Variants in EPS15 observed in about 807,000 individuals in gnomAD.
EPS15 encodes epidermal growth factor receptor pathway substrate 15.
In EPS15, 72 loss-of-function variants were observed where a neutral mutation model predicts 113.8. The ratio of observed to expected loss-of-function variants is 0.63; its 90% confidence interval spans 0.52 to 0.77. EPS15 has a LOEUF of 0.77. Among genes scored for constraint, EPS15 ranks in the 30% least tolerant of loss-of-function variants. The pLI, the probability that EPS15 is intolerant of heterozygous loss-of-function variation, is 0.00. For missense variants in EPS15, 1,048 were observed against 1,045.8 expected, an observed-to-expected ratio of 1.00 and a Z score of -0.03; for synonymous variants, 344 against 363.4, an observed-to-expected ratio of 0.95 and a Z score of 0.61.
chr1:51,422,147 G>A, intron 12 of EPS15: 1 of 734,888 alleles, frequency 1.4e-6, no homozygotes, highest in Non-Finnish European at 1.8e-6. Flanking sequence ...TTTCACTGAT[G>A]TCACTGTTGC....
chr1:51,511,399 G>C (rs1644617847), intron 1 of EPS15, among the ~76,000 whole-genome samples: 1 of 151,714 alleles, frequency 6.6e-6, no homozygotes. Context: ...GGGAGGCTGA[G>C]GCACGAGAAT....
chr1:51,495,918 T>C (rs1356611024), intron 1 of EPS15, among the ~76,000 whole-genome samples: 5 of 152,170 alleles, frequency 3.3e-5, no homozygotes, highest in Non-Finnish European at 7.4e-5. Flanking sequence ...GAGAAAAATA[T>C]AAGCTCTGCA....
intron 13 of EPS15, among the ~76,000 whole-genome samples, chr1:51,417,928 A>G (rs1002971180): frequency 5.3e-5 from 8 of 152,184 alleles, no homozygotes; most frequent in African/African-American, 1.9e-4. Flanking sequence ...GGTGGCAGTG[A>G]GCAACAGTAA....
rs371703875 is a variant in EPS15, at chr1:51,394,460, T to C, written c.2053-13A>G. 260 of 1,576,118 alleles carry C rather than the reference T, an allele frequency of 1.6e-4. No homozygotes were observed. The highest frequency in any genetic ancestry group is 2.2e-4 in the Non-Finnish European group (256 of 1,154,534). On this transcript the variant is annotated splice_polypyrimidine_tract_variant and intron_variant, in intron 20 of 24. Coordinates refer to ENST00000371733, the MANE Select transcript of EPS15 (RefSeq NM_001981.3). The stretch of plus-strand genomic sequence containing the variant: ...TCAACGTTTCTACCTAAACAAAGCA[T>C]ACAAAACCATGAATGAGAGAGGCAA...
At chr1:51,372,886 C>A in intron 21 of EPS15, 1 of 789,124 alleles carries the variant, frequency 1.3e-6, no homozygotes, top group South Asian at 1.6e-5. Context: ...ATATCAGGAG[C>A]TACCTGGAAA....
At chr1:51,443,248 A>G (rs896935284) in intron 11 of EPS15, among the ~76,000 whole-genome samples, 1 of 152,098 alleles carries the variant, frequency 6.6e-6, no homozygotes, top group Non-Finnish European at 1.5e-5. Context: ...AATTTCTGTC[A>G]TATCTAAAAT....
chr1:51,491,859 A>ATTTT (rs1007233147), intron 1 of EPS15, among the ~76,000 whole-genome samples: 71 of 129,804 alleles, frequency 5.5e-4, no homozygotes, highest in African/African-American at 2.1e-3. Context: ...AACTCATTTA[A>ATTTT]TTTTTTTTTT....
intron 8 of EPS15, among the ~76,000 whole-genome samples, chr1:51,457,353 A>G (rs1011922320): frequency 2.0e-5 from 3 of 151,994 alleles, no homozygotes; most frequent in East Asian, 1.9e-4. Context: ...AAAATAATCT[A>G]AAGGACTCAT....
At chr1:51,463,965 GA>G (rs1654662960) in intron 6 of EPS15, among the ~76,000 whole-genome samples, 167 bp from the exon 7 acceptor site, 2 of 152,052 alleles carry the variant, frequency 1.3e-5, no homozygotes, top group South Asian at 4.1e-4. Flanking sequence ...AGATACGCAA[GA>G]AAAAAATACA....
At chr1:51,416,760 C>A (rs1187726531) in intron 13 of EPS15, among the ~76,000 whole-genome samples, 3 of 151,640 alleles carry the variant, frequency 2.0e-5, no homozygotes, top group Non-Finnish European at 4.4e-5. Context: ...AAAGTTAAAC[C>A]TTTTAACTCT....
intron 7 of EPS15, chr1:51,461,732 A>C (rs1406537677): frequency 6.6e-6 from 1 of 152,216 alleles, no homozygotes; most frequent in Non-Finnish European, 1.5e-5. Flanking sequence ...AGAAATAATT[A>C]GTGGGAAACA....
intron 21 of EPS15, among the ~76,000 whole-genome samples, chr1:51,384,752 T>C (rs572822622): frequency 8.5e-5 from 13 of 152,236 alleles, no homozygotes; most frequent in South Asian, 6.2e-4. Context: ...ACAAACCATA[T>C]AGATCAATGG....
At chr1:51,378,333 A>G (rs971005320) in intron 21 of EPS15, among the ~76,000 whole-genome samples, 7 of 152,108 alleles carry the variant, frequency 4.6e-5, no homozygotes, top group African/African-American at 1.7e-4. Flanking sequence ...TTTTATTGCA[A>G]TATTTGCTTT....
At chr1:51,370,817 C>T (rs1246989366) in intron 21 of EPS15, among the ~76,000 whole-genome samples, 3 of 151,996 alleles carry the variant, frequency 2.0e-5, no homozygotes, top group South Asian at 2.1e-4. Context: ...GATAGGGTTT[C>T]GCTGTTGGCC....
rs556885573 is a variant in EPS15, at chr1:51,449,263, AAAC to A, written c.562-1131_562-1129del. 7.9e-3 allele frequency among the ~76,000 whole-genome samples: 1,208 copies of A among 152,298 alleles called. 19 individuals are homozygous for A. Among genetic ancestry groups the A allele is most frequent in the African/African-American group, 0.028 (1,164 of 41,550 alleles). ...CCATGGAATACTACACAGCCACAAA[AAAC>A]AACAAGATCATGTCCTTTGCAGCAA... is the stretch of plus-strand genomic sequence containing the variant. On this transcript the variant is annotated intron_variant, in intron 8 of 24. Transcript: ENST00000371733.
intron 24 of EPS15, among the ~76,000 whole-genome samples, chr1:51,357,385 A>AT (rs1341199195): frequency 3.6e-5 from 2 of 55,128 alleles, no homozygotes; most frequent in African/African-American, 1.9e-4. Flanking sequence ...TGAAAAAAAA[A>AT]AAAAAAATAT....
intron 7 of EPS15, chr1:51,461,716 CAG>C (rs1312536121): frequency 3.3e-5 from 5 of 151,928 alleles, no homozygotes; most frequent in Non-Finnish European, 7.4e-5. Flanking sequence ...ACTGATCACA[CAG>C]GGGAGAAATA....
intron 21 of EPS15, among the ~76,000 whole-genome samples, chr1:51,391,455 TAATAA>T (rs57219279): frequency 0.027 from 4,016 of 148,328 alleles, 67 homozygotes; most frequent in Non-Finnish European, 0.033. Context: ...CCTAAAACTT[TAATAA>T]AATAAAATAA....
chr1:51,469,512 T>C, intron 4 of EPS15, among the ~76,000 whole-genome samples: 1 of 152,214 alleles, frequency 6.6e-6, no homozygotes, highest in South Asian at 2.1e-4. Flanking sequence ...TGTTTTGAGT[T>C]AGTGTCATAG....
Sources: gnomAD v4.1 joint callset for allele counts (sites outside exome capture counted in the v4.1 genomes callset) on GRCh38, gnomAD v4.1.1 for gene constraint, MANE v1.5 for transcripts, NCBI Gene and HGNC (gene_info 2026-07-23, HGNC 2026-07-21) for gene names.